Variants in LMO7 observed in about 807,000 individuals in gnomAD.
LMO7 encodes the protein LIM domain only protein 7.
Under a neutral mutation model 206.5 loss-of-function variants are expected in LMO7, and 120 were observed. The observed-to-expected ratio is 0.58, with a 90% confidence interval of 0.50 to 0.68. The LOEUF is 0.68. Ranked by LOEUF, LMO7 falls within the 30% of genes least tolerant of loss-of-function variation. LMO7 has a pLI of 0.00. For synonymous variants in LMO7, 706 were observed against 681.5 expected (o/e 1.04, Z -0.56); for missense variants, 1,959 against 1,957.9 (o/e 1.00, Z -0.01).
intron 10 of LMO7, among the ~76,000 whole-genome samples, chr13:75,808,857 T>G (rs982449697): frequency 1.3e-5 from 2 of 152,188 alleles, no homozygotes; most frequent in Admixed American, 6.5e-5. Flanking sequence ...TCTGATTAGG[T>G]TGAATAAAAT....
chr13:75,628,649 C>A (rs2034514388), intron 2 of LMO7: 1 of 152,136 alleles, frequency 6.6e-6, no homozygotes, highest in Non-Finnish European at 1.5e-5. Context: ...TATTTCTGAA[C>A]TTATAAGGGC....
chr13:75,742,274 TAGA>T (rs1444849336), intron 3 of LMO7, among the ~76,000 whole-genome samples: 2 of 152,168 alleles, frequency 1.3e-5, no homozygotes, highest in African/African-American at 4.8e-5. Flanking sequence ...GTTCATGAAT[TAGA>T]AGAATCAAAA....
chr13:75,629,838 A>G (rs2034680309), intron 2 of LMO7, among the ~76,000 whole-genome samples: 1 of 152,196 alleles, frequency 6.6e-6, no homozygotes, highest in African/African-American at 2.4e-5. Flanking sequence ...GGTTGGCATG[A>G]GAGACCAAAA....
intron 1 of LMO7, among the ~76,000 whole-genome samples, chr13:75,663,792 A>G (rs1649070734): frequency 1.3e-5 from 2 of 152,204 alleles, no homozygotes; most frequent in Admixed American, 6.5e-5. Flanking sequence ...AAGTTCATTA[A>G]GAGAATATAG....
chr13:75,787,064 A>G (rs1034897106), intron 4 of LMO7, among the ~76,000 whole-genome samples: 3 of 152,206 alleles, frequency 2.0e-5, no homozygotes, highest in Non-Finnish European at 2.9e-5. Flanking sequence ...GAGAAAAATC[A>G]TGTGTGAGTT....
intron 3 of LMO7, among the ~76,000 whole-genome samples, chr13:75,742,905 G>A (rs1244745282): frequency 1.3e-5 from 2 of 152,148 alleles, no homozygotes; most frequent in African/African-American, 4.8e-5. Context: ...CTTCTGCACA[G>A]CAAAAGGAAC....
rs2053494111 is a variant in LMO7, at chr13:75,792,861, G to A, written c.318-2540G>A. On this transcript the variant is annotated intron_variant, in intron 4 of 30. Coordinates refer to ENST00000377534, the MANE Select transcript of LMO7 (RefSeq NM_001306080.2). ...TCATATTTAGAAGGGAATGTAAAGT[G>A]AGTAAAAGGTAATAATGCGAAGGTC... Among the ~76,000 whole-genome samples, 4 of 152,216 alleles carry A rather than the reference G, an allele frequency of 2.6e-5. No individual in the cohort carries two copies. In the South Asian group the frequency reaches 8.3e-4, roughly 31 times the overall value.
chr13:75,846,608 T>C (rs1022747586), intron 26 of LMO7, among the ~76,000 whole-genome samples: 1 of 152,222 alleles, frequency 6.6e-6, no homozygotes, highest in Non-Finnish European at 1.5e-5. Context: ...ACAAGACCTG[T>C]CAGTAACTGC....
chr13:75,708,434 T>G (rs191789175), intron 1 of LMO7, among the ~76,000 whole-genome samples: 4 of 152,372 alleles, frequency 2.6e-5, no homozygotes, highest in Non-Finnish European at 2.9e-5. Flanking sequence ...TGTAAATCAC[T>G]GCTTTGAATC....
intron 8 of LMO7, chr13:75,805,055 C>T: frequency 1.0e-6 from 1 of 1,003,072 alleles, no homozygotes; most frequent in South Asian, 4.5e-5. Context: ...AAAAGAGGCC[C>T]CAGAATTTCA....
intron 2 of LMO7, among the ~76,000 whole-genome samples, chr13:75,725,581 T>C (rs1161916026): frequency 6.6e-6 from 1 of 152,082 alleles, no homozygotes; most frequent in South Asian, 2.1e-4. Context: ...TTATTTCTTA[T>C]AAACTTACTC....
intron 4 of LMO7, among the ~76,000 whole-genome samples, chr13:75,764,223 A>G (rs1228410463): frequency 6.6e-6 from 1 of 152,036 alleles, no homozygotes; most frequent in Non-Finnish European, 1.5e-5. Flanking sequence ...TTTAGTCTCC[A>G]TGAATGGTAG....
intron 4 of LMO7, among the ~76,000 whole-genome samples, chr13:75,781,741 T>G (rs867615568): frequency 6.6e-6 from 1 of 151,962 alleles, no homozygotes; most frequent in Non-Finnish European, 1.5e-5. Flanking sequence ...TACAGTCCCA[T>G]CAACAGTGTA....
intron 3 of LMO7, among the ~76,000 whole-genome samples, chr13:75,743,111 G>GA (rs968630691): frequency 1.2e-4 from 18 of 151,920 alleles, no homozygotes; most frequent in African/African-American, 4.3e-4. Context: ...ATAGGCATAT[G>GA]AAAAAAAAGC....
At chr13:75,663,432 C>CTTTCTTTCTTTCTTTCTTTCT (rs1555289857) in intron 1 of LMO7, among the ~76,000 whole-genome samples, 12 of 111,392 alleles carry the variant, frequency 1.1e-4, no homozygotes, top group South Asian at 5.8e-4. Flanking sequence ...TTCTTTCTTT[C>CTTTCTTTCTTTCTTTCTTTCT]TTTTTTTTTT....
intron 1 of LMO7, among the ~76,000 whole-genome samples, chr13:75,671,086 T>C (rs2039536563): frequency 6.6e-6 from 1 of 151,646 alleles, no homozygotes; most frequent in African/African-American, 2.4e-5. Flanking sequence ...TACCTCCACG[T>C]CTTGTCCCAC....
At position 75,692,571 on chromosome 13, in the gene LMO7, A is replaced by G. The variant is rs559932492; in HGVS notation, c.70-20611A>G. On this transcript the variant is annotated intron_variant, in intron 1 of 30. Coordinates refer to ENST00000377534, the MANE Select transcript of LMO7 (RefSeq NM_001306080.2). ...TGGCTCATCTTTTTAATTTTTTTGT[A>G]CGTAGGGTCTTTCTGTGTTGCCCAG... 4.3e-4 allele frequency among the ~76,000 whole-genome samples: 65 copies of G among 151,778 alleles called. No homozygotes were observed. The South Asian group carries it at 0.013, about 30-fold the overall frequency.
intron 1 of LMO7, among the ~76,000 whole-genome samples, chr13:75,700,814 A>G (rs1345776080): frequency 6.6e-6 from 1 of 152,218 alleles, no homozygotes; most frequent in Non-Finnish European, 1.5e-5. Flanking sequence ...ATTTCATCAC[A>G]CTATGCAAAA....
chr13:75,740,203 G>A (rs2046303714), intron 3 of LMO7, among the ~76,000 whole-genome samples: 1 of 152,208 alleles, frequency 6.6e-6, no homozygotes, highest in Admixed American at 6.5e-5. Flanking sequence ...GCTCTGTGCT[G>A]GGTCAAGCCG....
Sources: allele counts gnomAD v4.1 joint callset (sites outside exome capture counted in the v4.1 genomes callset), GRCh38; gene constraint gnomAD v4.1.1; transcripts MANE v1.5; gene names NCBI Gene and HGNC (gene_info 2026-07-23, HGNC 2026-07-21).